TTC16: variants seen among roughly 807,000 people sequenced by gnomAD.
TTC16 encodes the protein tetratricopeptide repeat domain 16.
TTC16 carries 66 observed loss-of-function variants against 80.4 expected under a neutral mutation model. The observed-to-expected ratio is 0.82, with a 90% CI of 0.67 to 1.01. The LOEUF is 1.01. TTC16 is among the 50% of genes least tolerant of loss of function. TTC16 has a pLI of 0.00. For synonymous variants in TTC16, 438 were observed against 451.3 expected, an observed-to-expected ratio of 0.97 and a Z score of 0.37; for missense variants, 1,070 against 1,103.2, an observed-to-expected ratio of 0.97 and a Z score of 0.43.
rs1843620111 is a variant in TTC16, at chr9:127,722,982, A to G, written c.658-137A>G. 3 of 803,098 alleles carry G rather than the reference A, an allele frequency of 3.7e-6. No homozygotes were observed. The highest frequency in any genetic ancestry group is 3.6e-5 in the South Asian group (2 of 55,146). 49.7% of individuals were successfully genotyped at this position (803,098 alleles called of 1,614,324 possible). A position where few individuals can be genotyped will look rare whatever the true frequency, so the allele number is the denominator to read the frequency against. ...GAATCCATCTCAAAAAAAAAAAAAA[A>G]GCAGAAAGGGTGGAACATGGAGGGA... is the stretch of plus-strand genomic sequence containing the variant. On this transcript the variant is annotated intron_variant, in intron 6 of 13. Transcript: ENST00000373289. The surrounding 1 kb of genome is among the most constrained non-coding windows in gnomAD (Gnocchi z 4.2).
At chr9:127,717,576 T>C in intron 3 of TTC16, 53 bp from the exon 4 acceptor site, 5 of 1,601,988 alleles carry the variant, frequency 3.1e-6, no homozygotes, top group Non-Finnish European at 4.3e-6. Flanking sequence ...TCCCCTACCC[T>C]CCAGGGGCAG....
rs775791880 is a variant in TTC16, at chr9:127,724,359, G to C, written c.1112G>C (p.Arg371Pro). The C allele has an allele frequency of 6.2e-7, 1 of 1,612,178 alleles. No individual in the cohort carries two copies. Among genetic ancestry groups the C allele is most frequent in the Non-Finnish European group, 8.5e-7 (1 of 1,179,746 alleles). The change falls in exon 8 of 14, where the codon CGA (arginine) becomes CCA (proline). Residue 371 changes from arginine to proline, a missense_variant. Physicochemically the swap from Arg to Pro is moderately radical, Grantham distance 103. Coordinates refer to ENST00000373289, the MANE Select transcript of TTC16 (RefSeq NM_144965.3). ...EQQEKGLYINRGDCFFQLGNL... is the reference protein window; with the variant it reads ...EQQEKGLYINPGDCFFQLGNL... ...CAGGAGAAAGGACTCTACATCAACC[G>C]AGGCGGTGCGCAGCGACCAGGGCAC...
At chr9:127,727,203 T>A (rs1844050622) in intron 11 of TTC16, 67 bp from the exon 12 acceptor site, 15 of 1,526,018 alleles carry the variant, frequency 9.8e-6, no homozygotes, top group Non-Finnish European at 1.2e-5. Flanking sequence ...GGGGCCGTTG[T>A]CTAGTCCTTG....
At position 127,726,487 on chromosome 9, in the gene TTC16, G is replaced by A; in HGVS notation, c.1425+83G>A. ...TACTCCTCGGCCCCCAAAGAAATCT[G>A]GTTTGATAACAATCATAAGGCCAGG... On this transcript the variant is annotated intron_variant, in intron 10 of 13. Coordinates refer to ENST00000373289, the MANE Select transcript of TTC16 (RefSeq NM_144965.3). 4.2e-6 allele frequency: 6 copies of A among 1,416,220 alleles called. No individual in the cohort carries two copies. In the South Asian group the frequency reaches 9.4e-5, roughly 22 times the overall value. The allele number at this position is 1,416,220 out of a possible 1,614,324, so 87.7% of individuals were successfully genotyped here.
At chr9:127,716,563 G>A in intron 1 of TTC16, 1 of 545,778 alleles carries the variant, frequency 1.8e-6, no homozygotes. Flanking sequence ...GGAAGTGGGA[G>A]CTGGGAAGGC....
At chr9:127,727,607 G>A (rs1588456568) in intron 12 of TTC16, 142 bp downstream of exon 12, 7 of 1,414,476 alleles carry the variant, frequency 4.9e-6, no homozygotes, top group Middle Eastern at 4.1e-4. Context: ...ATGGGCTGGG[G>A]ACATCTTGCT....
At chr9:127,725,559 G>A (rs1280317894) in intron 9 of TTC16, among the ~76,000 whole-genome samples, 2 of 60,534 alleles carry the variant, frequency 3.3e-5, no homozygotes, top group Non-Finnish European at 5.4e-5. Context: ...GTGAGACTCC[G>A]TCTCAAAAAA....
intron 6 of TTC16, among the ~76,000 whole-genome samples, chr9:127,721,802 A>G (rs2131640485): frequency 6.6e-6 from 1 of 152,244 alleles, no homozygotes; most frequent in Middle Eastern, 3.4e-3. Context: ...CGGGAGGTTC[A>G]GGCAATTCTC....
In TTC16 at chr9:127,717,779, G is replaced by T. The variant is rs1843167187; in HGVS notation, c.426+7G>T. The T allele has an allele frequency of 1.2e-6, 2 of 1,610,154 alleles. No individual in the cohort carries two copies. Among genetic ancestry groups the T allele is most frequent in the Non-Finnish European group, 1.7e-6 (2 of 1,178,656 alleles). Reference sequence around the variant, plus strand: ...CTTTGTGCTCTACCTACAGGTGCCTGGGGCCTCCCGGGCCCATGCAGGGCA... The same window carrying T: ...CTTTGTGCTCTACCTACAGGTGCCTTGGGCCTCCCGGGCCCATGCAGGGCA... On this transcript the variant is annotated splice_region_variant and intron_variant, in intron 4 of 13. Transcript: ENST00000373289.
Position 127,716,996 on chromosome 9 carries a change from G to C in TTC16, c.171G>C (p.Val57=), listed in dbSNP as rs1341737308. The stretch of plus-strand genomic sequence containing the variant: ...AACCAAAGGTCACAGGGTTAACAGT[G>C]CCCCTCAAAGTCAGGGAATAGTGAG... ...DVKPKVTGLT[V]PLKVREYYSR... The change falls in exon 2 of 14, where the codon GTG becomes GTC. Residue 57 remains valine, a synonymous_variant. Transcript: ENST00000373289. 5.6e-6 allele frequency: 9 copies of C among 1,613,452 alleles called. No individual in the cohort carries two copies. Among genetic ancestry groups the C allele is most frequent in the Non-Finnish European group, 7.6e-6 (9 of 1,179,448 alleles).
chr9:127,718,296 C>T lies in TTC16; in HGVS notation c.426+524C>T, dbSNP rs1254945288. ...AGAGACAGGGTTTTACTTTGTTGCC[C>T]AGGCTGGTCTTGAACTCCTGGGCTC... On this transcript the variant is annotated intron_variant, in intron 4 of 13. Transcript: ENST00000373289. The surrounding 1 kb of genome is among the most constrained non-coding windows in gnomAD (Gnocchi z 4.6). Among the ~76,000 whole-genome samples, 2 of 152,134 alleles carry T rather than the reference C, an allele frequency of 1.3e-5. No homozygotes were observed. The highest frequency in any genetic ancestry group is 4.8e-5 in the African/African-American group (2 of 41,426).
Position 127,717,358 on chromosome 9 carries a change from G to A in TTC16, c.216G>A (p.Leu72=), listed in dbSNP as rs577272837. ...GCTACTCCAGAGGCCAGCAGTGCTT[G>A]GAGCAGGCAGACTGGGAGACAGCTG... is the stretch of plus-strand genomic sequence containing the variant. ...REYYSRGQQC[L]EQADWETAVL... is the part of the protein sequence containing the mutation. The change falls in exon 3 of 14, where the codon TTG becomes TTA. Residue 72 remains leucine (L), a synonymous_variant. Coordinates refer to ENST00000373289, the MANE Select transcript of TTC16 (RefSeq NM_144965.3). 1.6e-5 allele frequency: 26 copies of A among 1,612,206 alleles called. No individual in the cohort carries two copies. In the South Asian group the frequency reaches 2.9e-4, roughly 18 times the overall value.
chr9:127,720,540 GC>G, intron 6 of TTC16, 145 bp downstream of exon 6: 1 of 1,049,904 alleles, frequency 9.5e-7, no homozygotes, highest in Non-Finnish European at 1.4e-6. Flanking sequence ...CTGGGAAGAG[GC>G]CCACACTGGC....
chr9:127,716,324 T>G (rs1264608184), intron 1 of TTC16, 161 bp downstream of exon 1: 2 of 1,093,548 alleles, frequency 1.8e-6, no homozygotes, highest in South Asian at 2.7e-5. Flanking sequence ...TGAAAGATCC[T>G]TGTAAGGCTC....
chr9:127,724,089 C>T, intron 7 of TTC16, 31 bp from the exon 8 acceptor site: 1 of 1,533,494 alleles, frequency 6.5e-7, no homozygotes, highest in Non-Finnish European at 8.7e-7. Flanking sequence ...GCTCATGTCC[C>T]TCCTGCCGTC....
intron 2 of TTC16, 52 bp from the exon 3 acceptor site, chr9:127,717,282 G>A (rs777962456): frequency 6.4e-7 from 1 of 1,569,910 alleles, no homozygotes; most frequent in South Asian, 1.1e-5. Context: ...CTATGCCCTG[G>A]GCTGGTCCAC....
chr9:127,716,996 G>A lies in TTC16; in HGVS notation c.171G>A (p.Val57=), dbSNP rs1341737308. Residue 57 remains valine, a synonymous_variant, in exon 2 of 14, where the codon GTG becomes GTA. Coordinates refer to ENST00000373289, the MANE Select transcript of TTC16 (RefSeq NM_144965.3). Reference sequence around the variant, plus strand: ...AACCAAAGGTCACAGGGTTAACAGTGCCCCTCAAAGTCAGGGAATAGTGAG... The same window carrying A: ...AACCAAAGGTCACAGGGTTAACAGTACCCCTCAAAGTCAGGGAATAGTGAG... ...DVKPKVTGLT[V]PLKVREYYSR... is the part of the protein sequence containing the mutation. 3 of 1,613,334 alleles carry A rather than the reference G, an allele frequency of 1.9e-6. No individual in the cohort carries two copies. Among genetic ancestry groups the A allele is most frequent in the Non-Finnish European group, 2.5e-6 (3 of 1,179,456 alleles).
chr9:127,724,397 G>A lies in TTC16; in HGVS notation c.1117+33G>A, dbSNP rs377093683. On this transcript the variant is annotated intron_variant, in intron 8 of 13. Coordinates refer to ENST00000373289, the MANE Select transcript of TTC16 (RefSeq NM_144965.3). ...GCGACCAGGGCACTGGGGAGGGGGGGTGCGGGGGAGCCTCGCCATCTCTAA... is the reference window on the plus strand; with the variant it reads ...GCGACCAGGGCACTGGGGAGGGGGGATGCGGGGGAGCCTCGCCATCTCTAA... The A allele has an allele frequency of 1.2e-5, 20 of 1,604,282 alleles. No individual in the cohort carries two copies. In the African/African-American group the frequency reaches 1.6e-4, roughly 13 times the overall value.
chr9:127,724,261 C>T lies in TTC16; in HGVS notation c.1014C>T (p.Ala338=), dbSNP rs760534460. 23 of 1,612,960 alleles carry T rather than the reference C, an allele frequency of 1.4e-5. No homozygotes were observed. Among genetic ancestry groups the T allele is most frequent in the East Asian group, 4.5e-5 (2 of 44,894 alleles). Residue 338 remains alanine (A), a synonymous_variant, in exon 8 of 14, where the codon GCC becomes GCT. Transcript: ENST00000373289. ...RQLLLTYNDF[A]VHCYRQGAYQ... is the part of the protein sequence containing the mutation. ...TGTTGCTGACCTACAACGACTTTGCCGTGCACTGCTACAGGCAGGGCGCCT... is the reference window on the plus strand; with the variant it reads ...TGTTGCTGACCTACAACGACTTTGCTGTGCACTGCTACAGGCAGGGCGCCT...
Sources: gnomAD v4.1 joint callset for allele counts (sites outside exome capture counted in the v4.1 genomes callset) on GRCh38, gnomAD v4.1.1 for gene constraint, Gnocchi (gnomAD v3.1) non-coding constraint, MANE v1.5 for transcripts, NCBI Gene and HGNC (gene_info 2026-07-23, HGNC 2026-07-21) for gene names.